CCSER1: variants seen among roughly 807,000 people sequenced by gnomAD.
The protein encoded by CCSER1 is serine-rich coiled-coil domain-containing protein 1.
CCSER1 carries 41 observed loss-of-function variants against 82.0 expected under a neutral mutation model. The ratio of observed to expected loss-of-function variants is 0.50; its 90% confidence interval spans 0.39 to 0.65. CCSER1 has a LOEUF of 0.65. CCSER1 is among the 30% of genes least tolerant of loss of function. The pLI is 0.00. For missense variants in CCSER1, 1,119 were observed against 1,064.2 expected (o/e 1.05, Z -0.72); for synonymous variants, 414 against 383.9 (o/e 1.08, Z -0.92).
At chr4:90,736,478 A>G (rs1429209176) in intron 7 of CCSER1, among the ~76,000 whole-genome samples, 1 of 151,928 alleles carries the variant, frequency 6.6e-6, no homozygotes, top group African/African-American at 2.4e-5. Context: ...GTGTCTTTCT[A>G]TATTTTTTGT....
chr4:90,384,086 GT>G (rs962787655), intron 3 of CCSER1, among the ~76,000 whole-genome samples: 13 of 150,212 alleles, frequency 8.7e-5, no homozygotes, highest in Non-Finnish European at 1.3e-4. Context: ...TCGAACCCTC[GT>G]TTTTTTTGTT....
intron 9 of CCSER1, among the ~76,000 whole-genome samples, chr4:91,076,794 T>C (rs1367294904): frequency 1.3e-5 from 2 of 152,174 alleles, no homozygotes; most frequent in Non-Finnish European, 2.9e-5. Context: ...AACACTGGAA[T>C]TTCTGACTGG....
intron 10 of CCSER1, among the ~76,000 whole-genome samples, chr4:91,537,559 C>T (rs1761358046): frequency 3.9e-5 from 6 of 152,038 alleles, no homozygotes. Flanking sequence ...GGACCTGACA[C>T]TTTAAATGAT....
chr4:90,481,986 G>A (rs905776103), intron 5 of CCSER1, among the ~76,000 whole-genome samples: 4 of 152,306 alleles, frequency 2.6e-5, no homozygotes, highest in Admixed American at 2.6e-4. Flanking sequence ...ATTCGGCTGT[G>A]AATCCATCTG....
intron 10 of CCSER1, among the ~76,000 whole-genome samples, chr4:91,543,332 G>A (rs1320496327): frequency 6.6e-6 from 1 of 152,114 alleles, no homozygotes; most frequent in East Asian, 1.9e-4. Flanking sequence ...GTGTGAATTT[G>A]TTCCTGTCAT....
In CCSER1 at chr4:90,369,212, GAAGA is replaced by G. The variant is rs1272184008; in HGVS notation, c.1510-30816_1510-30813del. Among the ~76,000 whole-genome samples the G allele has an allele frequency of 2.0e-3, 252 of 128,550 alleles. 2 individuals are homozygous for G. The highest frequency in any genetic ancestry group is 6.7e-3 in the African/African-American group (225 of 33,372). 84.3% of individuals were successfully genotyped at this position (128,550 alleles called of 152,430 possible). On this transcript the variant is annotated intron_variant, in intron 3 of 10. Transcript: ENST00000509176. Reference sequence around the variant, plus strand: ...GATTAGGATGAGGAGGAAGAAAGAAGAAGAAAGAAAGGGGGAGGAAAAGGAGAAG... The same window carrying G: ...GATTAGGATGAGGAGGAAGAAAGAAGAAGAAAGGGGGAGGAAAAGGAGAAG...
intron 1 of CCSER1, among the ~76,000 whole-genome samples, chr4:90,239,699 G>A (rs1375841390): frequency 1.3e-5 from 2 of 151,744 alleles, no homozygotes; most frequent in African/African-American, 4.8e-5. Context: ...GTCTAATCTC[G>A]AACGCCTGGT....
intron 3 of CCSER1, among the ~76,000 whole-genome samples, chr4:90,365,135 T>C (rs1241638829): frequency 6.6e-6 from 1 of 151,874 alleles, no homozygotes; most frequent in African/African-American, 2.4e-5. Context: ...GAAATTATTT[T>C]TGAGTTTGAA....
intron 10 of CCSER1, among the ~76,000 whole-genome samples, chr4:91,497,805 C>T (rs953721846): frequency 6.6e-6 from 1 of 151,798 alleles, no homozygotes; most frequent in Non-Finnish European, 1.5e-5. Context: ...ACCAGTAAGA[C>T]TAAATGAACT....
At chr4:90,913,753 C>T (rs577568125) in intron 8 of CCSER1, among the ~76,000 whole-genome samples, 11 of 152,110 alleles carry the variant, frequency 7.2e-5, no homozygotes, top group Admixed American at 2.6e-4. Flanking sequence ...ACCCATCTCA[C>T]GTGCAGAGAC....
chr4:90,894,502 C>T (rs2150125339), intron 8 of CCSER1, among the ~76,000 whole-genome samples: 1 of 152,108 alleles, frequency 6.6e-6, no homozygotes, highest in South Asian at 2.1e-4. Context: ...ATTCTTTTTA[C>T]TCCCCAAAAC....
At chr4:91,281,118 C>T in intron 10 of CCSER1, among the ~76,000 whole-genome samples, 1 of 152,146 alleles carries the variant, frequency 6.6e-6, no homozygotes, top group East Asian at 1.9e-4. Context: ...GTAACTTACC[C>T]TTCCCTTGTT....
intron 10 of CCSER1, among the ~76,000 whole-genome samples, chr4:91,327,155 C>T (rs917566458): frequency 2.0e-5 from 3 of 152,142 alleles, no homozygotes; most frequent in African/African-American, 4.8e-5. Context: ...TGTGGGGGCT[C>T]GAACCCCACA....
intron 1 of CCSER1, among the ~76,000 whole-genome samples, chr4:90,261,161 G>GTT (rs34782676): frequency 0.035 from 5,172 of 147,904 alleles, 274 homozygotes; most frequent in African/African-American, 0.11. Flanking sequence ...TAGATACACT[G>GTT]TTTTTTTTTT....
At chr4:91,143,905 A>G (rs964684652) in intron 10 of CCSER1, among the ~76,000 whole-genome samples, 2 of 152,040 alleles carry the variant, frequency 1.3e-5, no homozygotes, top group East Asian at 3.9e-4. Flanking sequence ...TTTTGTATCT[A>G]TGTTCATCAG....
intron 10 of CCSER1, among the ~76,000 whole-genome samples, chr4:91,219,721 G>C (rs1737586923): frequency 6.6e-6 from 1 of 151,964 alleles, no homozygotes; most frequent in Admixed American, 6.6e-5. Context: ...ATTCCTGTTG[G>C]TAACATGATA....
intron 5 of CCSER1, among the ~76,000 whole-genome samples, chr4:90,531,360 A>G (rs1774495975): frequency 1.3e-5 from 2 of 151,466 alleles, no homozygotes; most frequent in South Asian, 2.1e-4. Flanking sequence ...ATTGAGTTTA[A>G]TAAAATCCTT....
chr4:90,287,259 AATT>A (rs1479986976), intron 1 of CCSER1, among the ~76,000 whole-genome samples: 1 of 151,942 alleles, frequency 6.6e-6, no homozygotes, highest in Admixed American at 6.6e-5. Flanking sequence ...AATGCTATAA[AATT>A]ATTATTTAGA....
rs150343913 is a variant in CCSER1, at chr4:90,564,276, G to C, written c.1725-63749G>C. 3.9e-3 allele frequency among the ~76,000 whole-genome samples: 588 copies of C among 152,190 alleles called. 5 individuals carry two copies. The highest frequency in any genetic ancestry group is 0.013 in the African/African-American group (560 of 41,512). On this transcript the variant is annotated intron_variant, in intron 5 of 10. Coordinates refer to ENST00000509176, the MANE Select transcript of CCSER1 (RefSeq NM_001145065.2). ...TCACTATGTTGCTCAGGCTGGTCTTGAACTCTGGGCCTCAAGTGATCCTCC... is the reference window on the plus strand; with the variant it reads ...TCACTATGTTGCTCAGGCTGGTCTTCAACTCTGGGCCTCAAGTGATCCTCC...
Sources: allele counts gnomAD v4.1 joint callset (sites outside exome capture counted in the v4.1 genomes callset), GRCh38; gene constraint gnomAD v4.1.1; transcripts MANE v1.5; gene names NCBI Gene and HGNC (gene_info 2026-07-23, HGNC 2026-07-21).